The following BICC1 variants were observed in gnomAD, a reference collection of about 807,000 sequenced individuals.
The protein encoded by BICC1 is BicC family RNA binding protein 1.
A neutral mutation model predicts 111.0 loss-of-function variants in BICC1; 43 were observed. That is an observed-to-expected ratio of 0.39 (90% CI 0.30 to 0.50). The LOEUF (loss-of-function observed/expected upper bound fraction) is 0.50, where lower values mean the gene tolerates loss of function less well. Ranked by LOEUF, BICC1 falls within the 20% of genes least tolerant of loss-of-function variation. The pLI is 0.88. For missense variants in BICC1, 1,091 were observed against 1,203.2 expected (o/e 0.91, Z 1.38); for synonymous variants, 467 against 434.4 (o/e 1.07, Z -0.93).
intron 1 of BICC1, among the ~76,000 whole-genome samples, chr10:58,534,410 C>T (rs1593673): frequency 0.46 from 69,613 of 151,414 alleles, 17,042 homozygotes; most frequent in Admixed American, 0.62. Context: ...ACCTGCTCAA[C>T]ACCAAGCATA....
intron 2 of BICC1, among the ~76,000 whole-genome samples, chr10:58,635,993 A>G (rs1004982870): frequency 6.6e-6 from 1 of 152,172 alleles, no homozygotes. Context: ...TTAGAAAGTC[A>G]ATTTTCTTGT....
chr10:58,752,419 G>C (rs1842015178), intron 3 of BICC1, among the ~76,000 whole-genome samples: 1 of 152,142 alleles, frequency 6.6e-6, no homozygotes, highest in African/African-American at 2.4e-5. Context: ...GGGCCTTCCT[G>C]AACAATCCTA....
At chr10:58,818,846 G>C (rs555450360) in intron 19 of BICC1, among the ~76,000 whole-genome samples, 27 of 152,070 alleles carry the variant, frequency 1.8e-4, no homozygotes, top group African/African-American at 6.5e-4. Flanking sequence ...ATTTTAATGT[G>C]TCCAGGCACA....
At chr10:58,738,731 T>G (rs1264150118) in intron 3 of BICC1, among the ~76,000 whole-genome samples, 1 of 150,570 alleles carries the variant, frequency 6.6e-6, no homozygotes, top group African/African-American at 2.4e-5. Context: ...CATGGAATGT[T>G]CTTCCATTTG....
Position 58,535,604 on chromosome 10 carries a change from TGA to T in BICC1, c.190+22272_190+22273del, listed in dbSNP as rs1589072303. On this transcript the variant is annotated intron_variant, in intron 1 of 20. Transcript: ENST00000373886. Reference sequence around the variant, plus strand: ...AGTTCTAAATCTTGAAAGAAAAGATTGATACACACCAGGATAGAAACCTCTGA... The same window carrying T: ...AGTTCTAAATCTTGAAAGAAAAGATTTACACACCAGGATAGAAACCTCTGA... 5.9e-5 allele frequency among the ~76,000 whole-genome samples: 9 copies of T among 151,760 alleles called. No homozygotes were observed. In the East Asian group the frequency reaches 1.4e-3, roughly 23 times the overall value.
intron 1 of BICC1, among the ~76,000 whole-genome samples, chr10:58,531,938 T>A (rs1191676208): frequency 1.3e-5 from 2 of 151,722 alleles, no homozygotes; most frequent in African/African-American, 4.8e-5. Context: ...TGGGGCGCCA[T>A]CAAGTGAATC....
At chr10:58,795,862 G>C (rs935837539) in intron 9 of BICC1, among the ~76,000 whole-genome samples, 1 of 152,162 alleles carries the variant, frequency 6.6e-6, no homozygotes, top group Non-Finnish European at 1.5e-5. Flanking sequence ...AAGTGATGAT[G>C]ATGATGCAGT....
At chr10:58,616,473 A>G (rs1845610854) in intron 1 of BICC1, among the ~76,000 whole-genome samples, 1 of 152,216 alleles carries the variant, frequency 6.6e-6, no homozygotes, top group South Asian at 2.1e-4. Flanking sequence ...AAGACTCCGT[A>G]TGTGCTACAG....
intron 9 of BICC1, 52 bp downstream of exon 9, chr10:58,793,667 T>TAC: frequency 1.3e-6 from 2 of 1,578,160 alleles, no homozygotes; most frequent in Non-Finnish European, 1.7e-6. Flanking sequence ...ATATGCTGTA[T>TAC]AGTTTTATTT....
chr10:58,651,219 C>T (rs1165469036), intron 2 of BICC1, among the ~76,000 whole-genome samples: 1 of 152,186 alleles, frequency 6.6e-6, no homozygotes, highest in Non-Finnish European at 1.5e-5. Flanking sequence ...TTCCTCTGCA[C>T]AGTGAGATGG....
At position 58,829,399 on chromosome 10, in the gene BICC1, G is replaced by A. The variant is rs907239184; in HGVS notation, c.*508G>A. 1 of 151,940 alleles carries A rather than the reference G, an allele frequency of 6.6e-6. No homozygotes were observed. Among genetic ancestry groups the A allele is most frequent in the African/African-American group, 2.4e-5 (1 of 41,324 alleles). 9.4% of individuals were successfully genotyped at this position (151,940 alleles called of 1,614,324 possible). On this transcript the variant is annotated 3_prime_UTR_variant, in exon 21 of 21. Transcript: ENST00000373886. ...AGCACTTTACACGTTCTAATTTCTT[G>A]TCCTATGGAAGTTCTCGCTGTCTCC... is the stretch of plus-strand genomic sequence containing the variant.
At chr10:58,619,890 C>G (rs759345811) in intron 1 of BICC1, among the ~76,000 whole-genome samples, 46 of 152,324 alleles carry the variant, frequency 3.0e-4, no homozygotes, top group African/African-American at 1.1e-3. Flanking sequence ...ATATGCACTT[C>G]TGCACACAAA....
intron 2 of BICC1, among the ~76,000 whole-genome samples, chr10:58,693,681 A>G (rs1839981663): frequency 6.6e-6 from 1 of 151,898 alleles, no homozygotes; most frequent in South Asian, 2.1e-4. Flanking sequence ...GTCTGTTCAT[A>G]TCCTTTGCCC....
chr10:58,554,204 C>G (rs1303550961), intron 1 of BICC1, among the ~76,000 whole-genome samples: 2 of 152,054 alleles, frequency 1.3e-5, no homozygotes, highest in Non-Finnish European at 2.9e-5. Flanking sequence ...TTAGGAAGAT[C>G]TGTGGTGGTT....
At chr10:58,517,047 T>C (rs994222174) in intron 1 of BICC1, among the ~76,000 whole-genome samples, 1 of 152,160 alleles carries the variant, frequency 6.6e-6, no homozygotes, top group Non-Finnish European at 1.5e-5. Flanking sequence ...TACTATAAAA[T>C]TAAAAATTCC....
intron 1 of BICC1, among the ~76,000 whole-genome samples, chr10:58,597,173 G>T (rs530539415): frequency 1.3e-5 from 2 of 152,096 alleles, no homozygotes; most frequent in South Asian, 4.1e-4. Flanking sequence ...CAGCTGGGCC[G>T]CCAGGGGTGA....
At chr10:58,571,354 G>A (rs1843944530) in intron 1 of BICC1, among the ~76,000 whole-genome samples, 1 of 151,942 alleles carries the variant, frequency 6.6e-6, no homozygotes, top group Non-Finnish European at 1.5e-5. Flanking sequence ...TGTAAGTTCA[G>A]GGATACATGT....
Position 58,800,307 on chromosome 10 carries a change from C to T in BICC1, c.1839C>T (p.Pro613=), listed in dbSNP as rs1181871201. ...CAAGTGGGTCTGAGCAGACATCTCCCAAATCAAGCCCCACTGAAGGTCGGG... is the reference window on the plus strand; with the variant it reads ...CAAGTGGGTCTGAGCAGACATCTCCTAAATCAAGCCCCACTGAAGGTCGGG... The part of the protein sequence containing the change: ...IQTSGSEQTS[P]KSSPTEGCND... The change falls in exon 13 of 21, where the codon CCC becomes CCT. Residue 613 remains proline (P), a synonymous_variant. Coordinates refer to ENST00000373886, the MANE Select transcript of BICC1 (RefSeq NM_001080512.3). 1 of 1,613,440 alleles carries T rather than the reference C, an allele frequency of 6.2e-7. No individual in the cohort carries two copies. The highest frequency in any genetic ancestry group is 1.7e-5 in the Admixed American group (1 of 59,930).
intron 1 of BICC1, among the ~76,000 whole-genome samples, chr10:58,525,749 A>G (rs3001715): frequency 0.46 from 69,482 of 151,326 alleles, 17,050 homozygotes; most frequent in Admixed American, 0.62. Flanking sequence ...AGCTTTTTAA[A>G]AAGAAAAATA....
Sources: allele counts gnomAD v4.1 joint callset (sites outside exome capture counted in the v4.1 genomes callset), GRCh38; gene constraint gnomAD v4.1.1; transcripts MANE v1.5; gene names NCBI Gene and HGNC (gene_info 2026-07-23, HGNC 2026-07-21).